Variants in FEM1A observed in about 807,000 individuals in gnomAD.
FEM1A encodes the protein protein fem-1 homolog A.
FEM1A carries 1 observed loss-of-function variant against 0.7 expected under a neutral mutation model. The ratio of observed to expected loss-of-function variants is 1.35; its 90% CI spans 0.48 to 6.40. FEM1A has a LOEUF of 6.40. Among genes scored for constraint, FEM1A ranks in the 30% most tolerant of loss-of-function variants. The pLI is 0.14. For synonymous variants in FEM1A, 391 were observed against 420.6 expected (o/e 0.93, Z 0.86); for missense variants, 721 against 918.7 (o/e 0.78, Z 2.78).
At position 4,792,607 on chromosome 19, in the gene FEM1A, T is replaced by G. The variant is rs2146148726; in HGVS notation, c.753T>G (p.Pro251=). 6 of 1,611,202 alleles carry G rather than the reference T, an allele frequency of 3.7e-6. No individual in the cohort carries two copies. Among genetic ancestry groups the G allele is most frequent in the Non-Finnish European group, 5.1e-6 (6 of 1,179,690 alleles). Residue 251 remains proline (P), a synonymous_variant, in exon 1 of 1, where the codon CCT becomes CCG. Transcript: ENST00000269856. The surrounding 1 kb of genome is among the most constrained non-coding windows in gnomAD (Gnocchi z 6.7). ...QEQVAGGEAQ[P]GLPQEDPSTS... ...AGGTCGCAGGGGGAGAGGCTCAGCC[T>G]GGGCTGCCCCAAGAAGACCCCTCCA...
rs2146150153 is a variant in FEM1A at position 4,794,013 on chromosome 19, G to A, written c.*149G>A. 1 of 801,208 alleles carries A rather than the reference G, an allele frequency of 1.2e-6. No homozygotes were observed. The highest frequency in any genetic ancestry group is 2.0e-6 in the Non-Finnish European group (1 of 506,172). The allele number at this position is 801,208 out of a possible 1,614,324, so 49.6% of individuals were successfully genotyped here. On this transcript the variant is annotated 3_prime_UTR_variant, in exon 1 of 1. Coordinates refer to ENST00000269856, the MANE Select transcript of FEM1A (RefSeq NM_018708.3). Reference sequence around the variant, plus strand: ...CTCCCATCCCCTCTACCTGCAGACAGGGTCGGAGGTGTTAGCGAGCCTTTG... The same window carrying A: ...CTCCCATCCCCTCTACCTGCAGACAAGGTCGGAGGTGTTAGCGAGCCTTTG...
At position 4,793,817 on chromosome 19, in the gene FEM1A, A is replaced by G; in HGVS notation, c.1963A>G (p.Lys655Glu). The G allele has an allele frequency of 6.2e-7, 1 of 1,609,958 alleles. No individual in the cohort carries two copies. The highest frequency in any genetic ancestry group is 1.1e-5 in the South Asian group (1 of 90,704). The change falls in exon 1 of 1, where the codon AAG becomes GAG. Residue 655 changes from lysine to glutamate, a missense_variant. Physicochemically the swap from Lys to Glu is moderately conservative, Grantham distance 56. Transcript: ENST00000269856. This position sits in a 1 kb window ranked among gnomAD's most constrained non-coding sequence, Gnocchi z 5.1. ...CCTGGATAAGAACAAGATCCCTTAC[A>G]AGGGCTTCATCCCGGAAGATCTGGA... ...RALDKNKIPY[K>E]GFIPEDLEAF...
Position 4,792,163 on chromosome 19 carries a change from G to C in FEM1A, c.309G>C (p.Leu103=). Reference sequence around the variant, plus strand: ...ACCTGGACGTGGTGCGGAGCCTGCTGCGCCGCGGGGCCTCGGTGAACCGCA... The same window carrying C: ...ACCTGGACGTGGTGCGGAGCCTGCTCCGCCGCGGGGCCTCGGTGAACCGCA... ...AGHLDVVRSL[L]RRGASVNRTT... The change falls in exon 1 of 1, where the codon CTG becomes CTC. Residue 103 remains leucine (L), a synonymous_variant. Coordinates refer to ENST00000269856, the MANE Select transcript of FEM1A (RefSeq NM_018708.3). This position sits in a 1 kb window ranked among gnomAD's most constrained non-coding sequence, Gnocchi z 6.7. 2.6e-6 allele frequency: 4 copies of C among 1,512,382 alleles called. No individual in the cohort carries two copies. Among genetic ancestry groups the C allele is most frequent in the Non-Finnish European group, 3.5e-6 (4 of 1,134,310 alleles). 93.7% of individuals were successfully genotyped at this position (1,512,382 alleles called of 1,614,324 possible). A position where few individuals can be genotyped will look rare whatever the true frequency, so the allele number is the denominator to read the frequency against.
rs945098874 is a variant in FEM1A, at chr19:4,801,220, A to C, written c.*7356A>C. 6.6e-6 allele frequency: 1 copy of C among 152,188 alleles called. No homozygotes were observed. The highest frequency in any genetic ancestry group is 6.5e-5 in the Admixed American group (1 of 15,268). The allele number at this position is 152,188 out of a possible 1,614,324, so 9.4% of individuals were successfully genotyped here. A position where few individuals can be genotyped will look rare whatever the true frequency, so the allele number is the denominator to read the frequency against. On this transcript the variant is annotated 3_prime_UTR_variant, in exon 1 of 1. Transcript: ENST00000269856. ...ATATTAATTCAAATGTATTAATTTGAATTATTAACTTATTAATCATTTGAT... is the reference window on the plus strand; with the variant it reads ...ATATTAATTCAAATGTATTAATTTGCATTATTAACTTATTAATCATTTGAT...
At position 4,799,917 on chromosome 19, in the gene FEM1A, A is replaced by AAATAAAAAAAAT. The variant is rs2093566406; in HGVS notation, c.*6055_*6056insTAAAAAAAATAA. On this transcript the variant is annotated 3_prime_UTR_variant, in exon 1 of 1. Coordinates refer to ENST00000269856, the MANE Select transcript of FEM1A (RefSeq NM_018708.3). ...AAGACTCTGTCTCAAAAAAAAAAAAAAAAAAAAAAAAAAAAATGGGGCCAT... is the reference window on the plus strand; with the variant it reads ...AAGACTCTGTCTCAAAAAAAAAAAAAAATAAAAAAAATAAAAAAAAAAAAAAAATGGGGCCAT... 7.0e-6 allele frequency: 1 copy of AAATAAAAAAAAT among 143,100 alleles called. No homozygotes were observed. Among genetic ancestry groups the AAATAAAAAAAAT allele is most frequent in the African/African-American group, 2.7e-5 (1 of 37,704 alleles). 8.9% of individuals were successfully genotyped at this position (143,100 alleles called of 1,614,324 possible).
Position 4,793,560 on chromosome 19 carries a change from A to C in FEM1A, c.1706A>C (p.Asp569Ala). ...PSLHVVKVLL[D>A]CGADPDSRDF... ...CTGCACGTGGTCAAAGTGCTGCTCG[A>C]CTGCGGGGCCGACCCGGACAGCAGG... The change falls in exon 1 of 1, where the codon GAC becomes GCC. Residue 569 changes from aspartate (D) to alanine (A), a missense_variant. By Grantham distance (126) the Asp-to-Ala change is moderately radical. This residue lies in a region of FEM1A where 379 missense variants were observed against 454.8 expected (regional missense o/e 0.83). Transcript: ENST00000269856. This position sits in a 1 kb window ranked among gnomAD's most constrained non-coding sequence, Gnocchi z 5.1. The C allele has an allele frequency of 7.4e-6, 12 of 1,612,938 alleles. No homozygotes were observed. Among genetic ancestry groups the C allele is most frequent in the Non-Finnish European group, 1.0e-5 (12 of 1,179,852 alleles).
chr19:4,797,157 T>A lies in FEM1A; in HGVS notation c.*3293T>A, dbSNP rs2093561976. On this transcript the variant is annotated 3_prime_UTR_variant, in exon 1 of 1. Coordinates refer to ENST00000269856, the MANE Select transcript of FEM1A (RefSeq NM_018708.3). The stretch of plus-strand genomic sequence containing the variant: ...AACGGCCCTCTTAAGATGAAGGTCA[T>A]CTTTTTTTTTTTTTTTTTTTTTTTT... The A allele has an allele frequency of 3.3e-5, 4 of 121,938 alleles. No homozygotes were observed. The highest frequency in any genetic ancestry group is 5.3e-4 in the South Asian group (2 of 3,772). The allele number at this position is 121,938 out of a possible 1,614,324, so 7.6% of individuals were successfully genotyped here. A position where few individuals can be genotyped will look rare whatever the true frequency, so the allele number is the denominator to read the frequency against.
rs1170588783 is a variant in FEM1A at position 4,795,299 on chromosome 19, G to A, written c.*1435G>A. On this transcript the variant is annotated 3_prime_UTR_variant, in exon 1 of 1. Transcript: ENST00000269856. The stretch of plus-strand genomic sequence containing the variant: ...ACTGCATCCTCCCTGCAGTAGCCAC[G>A]GCCAGGCCCTTAGGAGGAGCAGTGA... 117 of 166,822 alleles carry A rather than the reference G, an allele frequency of 7.0e-4. 2 individuals are homozygous for A. Among genetic ancestry groups the A allele is most frequent in the Non-Finnish European group, 4.4e-5 (3 of 68,136 alleles). The allele number at this position is 166,822 out of a possible 1,614,324, so 10.3% of individuals were successfully genotyped here.
chr19:4,793,000 C>T lies in FEM1A; in HGVS notation c.1146C>T (p.Leu382=), dbSNP rs758329146. ...CCCTGTTGATCCGGGAGCGCATCCT[C>T]GGTCCCTCGCACCCGGACACTTCCT... ...MQALLIRERI[L]GPSHPDTSYY... The change falls in exon 1 of 1, where the codon CTC becomes CTT. Residue 382 remains leucine (L), a synonymous_variant. Transcript: ENST00000269856. The surrounding 1 kb of genome is among the most constrained non-coding windows in gnomAD (Gnocchi z 6.7). 10 of 1,613,138 alleles carry T rather than the reference C, an allele frequency of 6.2e-6. No homozygotes were observed. In the South Asian group the frequency reaches 6.6e-5, roughly 11 times the overall value.
At position 4,799,990 on chromosome 19, in the gene FEM1A, A is replaced by G. The variant is rs1002349557; in HGVS notation, c.*6126A>G. ...AAATGTTCACAATAGTAAAATGACT[A>G]CCTGCCGTTGATCAGTGAAGAAAAA... On this transcript the variant is annotated 3_prime_UTR_variant, in exon 1 of 1. Transcript: ENST00000269856. The G allele has an allele frequency of 1.3e-5, 2 of 150,996 alleles. No homozygotes were observed. Among genetic ancestry groups the G allele is most frequent in the Admixed American group, 6.7e-5 (1 of 15,002 alleles). The allele number at this position is 150,996 out of a possible 1,614,324, so 9.4% of individuals were successfully genotyped here.
At position 4,792,013 on chromosome 19, in the gene FEM1A, C is replaced by T. The variant is rs1568359219; in HGVS notation, c.159C>T (p.His53=). Residue 53 remains histidine (H), a synonymous_variant, in exon 1 of 1, where the codon CAC becomes CAT. Transcript: ENST00000269856. This position sits in a 1 kb window ranked among gnomAD's most constrained non-coding sequence, Gnocchi z 6.7. ...TACTCATCGCCGCCCGCTACGGCCA[C>T]CTGGACGTGGTGGAGTACCTGGTGG... The part of the protein sequence containing the change: ...TPLLIAARYG[H]LDVVEYLVDR... 1 of 1,537,674 alleles carries T rather than the reference C, an allele frequency of 6.5e-7. No individual in the cohort carries two copies. The highest frequency in any genetic ancestry group is 8.7e-7 in the Non-Finnish European group (1 of 1,150,176).
Position 4,791,983 on chromosome 19 carries a change from G to A in FEM1A, c.129G>A (p.Thr43=). Residue 43 remains threonine, a synonymous_variant, in exon 1 of 1, where the codon ACG becomes ACA. Coordinates refer to ENST00000269856, the MANE Select transcript of FEM1A (RefSeq NM_018708.3). ...CGGGCGAGGTGGCCGGCGGGGGAACGCCGCTACTCATCGCCGCCCGCTACG... is the reference window on the plus strand; with the variant it reads ...CGGGCGAGGTGGCCGGCGGGGGAACACCGCTACTCATCGCCGCCCGCTACG... ...ELTGEVAGGG[T]PLLIAARYGH... 6.5e-7 allele frequency: 1 copy of A among 1,533,186 alleles called. No homozygotes were observed. Among genetic ancestry groups the A allele is most frequent in the East Asian group, 2.5e-5 (1 of 40,732 alleles). 95.0% of individuals were successfully genotyped at this position (1,533,186 alleles called of 1,614,324 possible).
chr19:4,798,664 G>A lies in FEM1A; in HGVS notation c.*4800G>A, dbSNP rs911400568. 2.0e-5 allele frequency: 3 copies of A among 151,582 alleles called. No homozygotes were observed. Among genetic ancestry groups the A allele is most frequent in the African/African-American group, 7.3e-5 (3 of 41,228 alleles). The allele number at this position is 151,582 out of a possible 1,614,324, so 9.4% of individuals were successfully genotyped here. On this transcript the variant is annotated 3_prime_UTR_variant, in exon 1 of 1. Transcript: ENST00000269856. Reference sequence around the variant, plus strand: ...CTAAGGACACAGCGCATGAAGGAAGGGTCGAGATTGGAACCCAGGACCGTC... The same window carrying A: ...CTAAGGACACAGCGCATGAAGGAAGAGTCGAGATTGGAACCCAGGACCGTC...
chr19:4,793,592 GACA>G lies in FEM1A; in HGVS notation c.1745_1747del (p.Asn582del), dbSNP rs1568360077. 14 of 1,612,740 alleles carry G rather than the reference GACA, an allele frequency of 8.7e-6. No homozygotes were observed. The highest frequency in any genetic ancestry group is 2.2e-5 in the East Asian group (1 of 44,898). ...GGCCGACCCGGACAGCAGGGATTTT[GACA>G]ACAACACCCCGCTACACATAGCAGC... On this transcript the variant is annotated inframe_deletion, in exon 1 of 1. Transcript: ENST00000269856. The surrounding 1 kb of genome is among the most constrained non-coding windows in gnomAD (Gnocchi z 5.1).
rs2093558518 is a variant in FEM1A at position 4,794,373 on chromosome 19, A to G, written c.*509A>G. ...GAGACCACCTCTCATTTCTTCCAGC[A>G]TGATCGCGCCCTGCTCCCGTGCCAC... On this transcript the variant is annotated 3_prime_UTR_variant, in exon 1 of 1. Coordinates refer to ENST00000269856, the MANE Select transcript of FEM1A (RefSeq NM_018708.3). The G allele has an allele frequency of 5.7e-6, 1 of 175,822 alleles. No individual in the cohort carries two copies. The highest frequency in any genetic ancestry group is 1.4e-5 in the Non-Finnish European group (1 of 72,704). The allele number at this position is 175,822 out of a possible 1,614,324, so 10.9% of individuals were successfully genotyped here.
rs768271766 is a variant in FEM1A, at chr19:4,792,826, G to A, written c.972G>A (p.Arg324=). Residue 324 remains arginine (R), a synonymous_variant, in exon 1 of 1, where the codon CGG becomes CGA. Coordinates refer to ENST00000269856, the MANE Select transcript of FEM1A (RefSeq NM_018708.3). The surrounding 1 kb of genome is among the most constrained non-coding windows in gnomAD (Gnocchi z 6.7). ...DLLGALKHWR[R]AMELRHQGGE... is the part of the protein sequence containing the mutation. Reference sequence around the variant, plus strand: ...TTGGGGCCCTTAAACACTGGAGGCGGGCCATGGAGCTGCGTCACCAGGGGG... The same window carrying A: ...TTGGGGCCCTTAAACACTGGAGGCGAGCCATGGAGCTGCGTCACCAGGGGG... 1.1e-5 allele frequency: 17 copies of A among 1,612,176 alleles called. No individual in the cohort carries two copies. The highest frequency in any genetic ancestry group is 6.6e-5 in the South Asian group (6 of 90,992).
rs1376180123 is a variant in FEM1A, at chr19:4,797,009, C to A, written c.*3145C>A. 5 of 152,068 alleles carry A rather than the reference C, an allele frequency of 3.3e-5. No individual in the cohort carries two copies. Among genetic ancestry groups the A allele is most frequent in the African/African-American group, 1.2e-4 (5 of 41,398 alleles). The allele number at this position is 152,068 out of a possible 1,614,324, so 9.4% of individuals were successfully genotyped here. A position where few individuals can be genotyped will look rare whatever the true frequency, so the allele number is the denominator to read the frequency against. ...AGTACTAGTGAGCATTTATTGAGCACCTACTGTATGCCAGGCACCATTTTC... is the reference window on the plus strand; with the variant it reads ...AGTACTAGTGAGCATTTATTGAGCAACTACTGTATGCCAGGCACCATTTTC... On this transcript the variant is annotated 3_prime_UTR_variant, in exon 1 of 1. Coordinates refer to ENST00000269856, the MANE Select transcript of FEM1A (RefSeq NM_018708.3).
In FEM1A at chr19:4,794,122, A is replaced by C. The variant is rs1248257034; in HGVS notation, c.*258A>C. The C allele has an allele frequency of 4.1e-5, 20 of 492,108 alleles. No individual in the cohort carries two copies. Among genetic ancestry groups the C allele is most frequent in the Non-Finnish European group, 6.8e-5 (18 of 264,308 alleles). The allele number at this position is 492,108 out of a possible 1,614,324, so 30.5% of individuals were successfully genotyped here. On this transcript the variant is annotated 3_prime_UTR_variant, in exon 1 of 1. Transcript: ENST00000269856. The stretch of plus-strand genomic sequence containing the variant: ...CACTCATTCTGAGTTAGGAAAAGAC[A>C]CAAGACCTTCCCCACATCCTGTCTG...
chr19:4,791,834 G>A lies in FEM1A; in HGVS notation c.-21G>A. ...CCCCGTCCCCCGGCGGCCGGCCCAT[G>A]GCCTGGCGGAGGCCCGAACCATGGA... On this transcript the variant is annotated 5_prime_UTR_variant, in exon 1 of 1. The change abolishes an upstream ATG in the 5' untranslated region. Coordinates refer to ENST00000269856, the MANE Select transcript of FEM1A (RefSeq NM_018708.3). 1 of 1,478,578 alleles carries A rather than the reference G, an allele frequency of 6.8e-7. No homozygotes were observed. Among genetic ancestry groups the A allele is most frequent in the Non-Finnish European group, 9.0e-7 (1 of 1,116,188 alleles). 91.6% of individuals were successfully genotyped at this position (1,478,578 alleles called of 1,614,324 possible).
Sources: allele counts gnomAD v4.1 joint callset, GRCh38; gene constraint gnomAD v4.1.1; regional missense constraint gnomAD v4.1.1; non-coding constraint Gnocchi (gnomAD v3.1); transcripts MANE v1.5; gene names NCBI Gene and HGNC (gene_info 2026-07-23, HGNC 2026-07-21).